The following NUP54 variants were observed in gnomAD, a reference collection of about 807,000 sequenced individuals.
The protein encoded by NUP54 is nucleoporin p54.
Under a neutral mutation model 66.4 loss-of-function variants are expected in NUP54, and 27 were observed. The observed-to-expected ratio is 0.41, with a 90% CI of 0.30 to 0.56. The LOEUF is 0.56. Ranked by LOEUF, NUP54 falls within the 20% of genes least tolerant of loss-of-function variation. NUP54 has a pLI of 0.34. For missense variants in NUP54, 486 were observed against 596.3 expected, an observed-to-expected ratio of 0.82 and a Z score of 1.93; for synonymous variants, 206 against 210.7, an observed-to-expected ratio of 0.98 and a Z score of 0.19.
intron 1 of NUP54, chr4:76,146,048 T>C (rs954390175): frequency 2.3e-5 from 10 of 430,808 alleles, no homozygotes; most frequent in Non-Finnish European, 4.1e-5. Context: ...TATGATATAA[T>C]CTGAATTGGC....
Position 76,117,185 on chromosome 4 carries a change from T to C in NUP54, c.1395+479A>G, listed in dbSNP as rs538816396. ...TGAAATCATAAATATTTCCCTTTTA[T>C]GAGTGGCTTATTTCATGAAGCATAA... On this transcript the variant is annotated intron_variant, in intron 11 of 11. Coordinates refer to ENST00000264883, the MANE Select transcript of NUP54 (RefSeq NM_017426.4). Among the ~76,000 whole-genome samples, 6 of 152,368 alleles carry C rather than the reference T, an allele frequency of 3.9e-5. No individual in the cohort carries two copies. In the South Asian group the frequency reaches 1.0e-3, roughly 26 times the overall value.
intron 9 of NUP54, among the ~76,000 whole-genome samples, chr4:76,120,095 T>C (rs1361165318): frequency 1.3e-5 from 2 of 152,178 alleles, no homozygotes; most frequent in Non-Finnish European, 2.9e-5. Flanking sequence ...ATACATTTTG[T>C]TTTCACACTA....
chr4:76,136,259 G>A lies in NUP54; in HGVS notation c.449C>T (p.Thr150Ile), dbSNP rs1490495079. 6.2e-7 allele frequency: 1 copy of A among 1,614,002 alleles called. No homozygotes were observed. Reference protein sequence around the residue: ...KWNQLQAFWGTGKGYFNNNIP... With the variant: ...KWNQLQAFWGIGKGYFNNNIP... ...ATTATTGTTGAAATACCCTTTTCCT[G>A]TTCCCCAAAAGGCCTGCAGTTGATT... The change falls in exon 4 of 12, where the codon ACA becomes ATA. Residue 150 changes from threonine to isoleucine, a missense_variant. Physicochemically the swap from Thr to Ile is moderately conservative, Grantham distance 89. This residue lies in a region of NUP54 where 41 missense variants were observed against 82.7 expected (regional missense o/e 0.50). Coordinates refer to ENST00000264883, the MANE Select transcript of NUP54 (RefSeq NM_017426.4).
At chr4:76,128,789 G>A (rs574710103) in intron 8 of NUP54, among the ~76,000 whole-genome samples, 21 of 152,204 alleles carry the variant, frequency 1.4e-4, no homozygotes, top group Non-Finnish European at 2.6e-4. Flanking sequence ...CAGCAACATA[G>A]ATGAACTTGG....
chr4:76,124,800 A>C (rs758930496), intron 8 of NUP54, 44 bp from the exon 9 acceptor site: 3 of 759,860 alleles, frequency 3.9e-6, no homozygotes, highest in East Asian at 3.0e-5. Flanking sequence ...ATCAAATATC[A>C]CAACTATTTA....
chr4:76,131,174 G>T, intron 7 of NUP54, 56 bp downstream of exon 7: 1 of 1,035,312 alleles, frequency 9.7e-7, no homozygotes, highest in East Asian at 2.5e-5. Flanking sequence ...TCCCATGTTT[G>T]CTTTCCTAGT....
At position 76,144,489 on chromosome 4, in the gene NUP54, CA is replaced by C; in HGVS notation, c.68-17del. The stretch of plus-strand genomic sequence containing the variant: ...CCAAACCCACCTAATTAAAAAAGAA[CA>C]AAAATAGAAAGGAAGAATCTTTTGT... On this transcript the variant is annotated splice_polypyrimidine_tract_variant and intron_variant, in intron 1 of 11. Coordinates refer to ENST00000264883, the MANE Select transcript of NUP54 (RefSeq NM_017426.4). 6.4e-7 allele frequency: 1 copy of C among 1,561,340 alleles called. No homozygotes were observed. Among genetic ancestry groups the C allele is most frequent in the South Asian group, 1.2e-5 (1 of 81,692 alleles).
Position 76,132,659 on chromosome 4 carries a change from TG to T in NUP54, c.770del (p.Pro257GlnfsTer14). The T allele has an allele frequency of 6.2e-7, 1 of 1,614,072 alleles. No homozygotes were observed. Among genetic ancestry groups the T allele is most frequent in the African/African-American group, 1.3e-5 (1 of 75,036 alleles). On this transcript the variant is annotated frameshift_variant, in exon 6 of 12. Transcript: ENST00000264883. LOFTEE classifies it high-confidence loss of function. ...CAAAATGGGCATATAGCGTTGTAGC[TG>T]GAACTCTTCTTGAAGTACCATTTGG... ...RSPNGTSRRV[P>X]ATTLYAHFEQ...
rs1261776684 is a variant in NUP54, at chr4:76,115,351, C to T, written c.*15G>A. Reference sequence around the variant, plus strand: ...AAGATGCATTTCACAAACCTTTACACAAGTTTGTGAACTGTCAACTAAAGA... The same window carrying T: ...AAGATGCATTTCACAAACCTTTACATAAGTTTGTGAACTGTCAACTAAAGA... On this transcript the variant is annotated 3_prime_UTR_variant, in exon 12 of 12. Coordinates refer to ENST00000264883, the MANE Select transcript of NUP54 (RefSeq NM_017426.4). The T allele has an allele frequency of 1.9e-6, 3 of 1,571,408 alleles. No individual in the cohort carries two copies. Among genetic ancestry groups the T allele is most frequent in the Non-Finnish European group, 2.6e-6 (3 of 1,163,686 alleles).
chr4:76,136,303 ATC>A lies in NUP54; in HGVS notation c.403_404del (p.Asp135CysfsTer23). 1 of 1,614,102 alleles carries A rather than the reference ATC, an allele frequency of 6.2e-7. No homozygotes were observed. Among genetic ancestry groups the A allele is most frequent in the Non-Finnish European group, 8.5e-7 (1 of 1,179,980 alleles). On this transcript the variant is annotated frameshift_variant, in exon 4 of 12. Coordinates refer to ENST00000264883, the MANE Select transcript of NUP54 (RefSeq NM_017426.4). LOFTEE classifies it high-confidence loss of function. ...SAPTLLGDER[D>X]AILAKWNQLQ... The stretch of plus-strand genomic sequence containing the variant: ...GTTGATTCCATTTTGCCAAAATAGC[ATC>A]TCTCTCATCTCCCAACAGCGTTGGA...
intron 1 of NUP54, among the ~76,000 whole-genome samples, chr4:76,147,013 A>T (rs1487967753): frequency 6.6e-6 from 1 of 152,218 alleles, no homozygotes; most frequent in Non-Finnish European, 1.5e-5. Flanking sequence ...TATTATCATT[A>T]TAACACAAGT....
At chr4:76,126,448 A>C (rs1730542640) in intron 8 of NUP54, among the ~76,000 whole-genome samples, 1 of 152,248 alleles carries the variant, frequency 6.6e-6, no homozygotes, top group South Asian at 2.1e-4. Flanking sequence ...ATGCCAGGCC[A>C]TGCTGAAAGG....
intron 9 of NUP54, among the ~76,000 whole-genome samples, chr4:76,119,304 C>G (rs1030871368): frequency 3.9e-5 from 6 of 152,098 alleles, no homozygotes; most frequent in East Asian, 3.8e-4. Flanking sequence ...GCTCATCATA[C>G]AGAGAGAGCA....
chr4:76,129,597 G>C (rs367569948), intron 8 of NUP54, among the ~76,000 whole-genome samples: 3 of 152,300 alleles, frequency 2.0e-5, no homozygotes, highest in African/African-American at 7.2e-5. Context: ...GGGCGCAGTG[G>C]CTCACGCCTG....
In NUP54 at chr4:76,127,171, G is replaced by A. The variant is rs150652978; in HGVS notation, c.1057-2415C>T. 8.9e-3 allele frequency among the ~76,000 whole-genome samples: 1,361 copies of A among 152,178 alleles called. 9 individuals carry two copies. Among genetic ancestry groups the A allele is most frequent in the Non-Finnish European group, 0.012 (847 of 67,998 alleles). On this transcript the variant is annotated intron_variant, in intron 8 of 11. Coordinates refer to ENST00000264883, the MANE Select transcript of NUP54 (RefSeq NM_017426.4). ...TATAGGGCTGGGCGCAGTGGCTCAC[G>A]CCTGTAATCCCAGCACTTTGGGAGG...
At chr4:76,126,383 A>G (rs1173438206) in intron 8 of NUP54, among the ~76,000 whole-genome samples, 1 of 152,228 alleles carries the variant, frequency 6.6e-6, no homozygotes, top group African/African-American at 2.4e-5. Flanking sequence ...AAGATTGTGC[A>G]AGACATATTT....
chr4:76,131,332 T>A (rs879081954), intron 6 of NUP54, 48 bp from the exon 7 acceptor site: 1 of 1,168,914 alleles, frequency 8.6e-7, no homozygotes, highest in African/African-American at 1.6e-5. Flanking sequence ...TCTATTTTTA[T>A]AATATGTGTA....
intron 8 of NUP54, among the ~76,000 whole-genome samples, chr4:76,129,863 CAAAAAAAAAAAAAA>C (rs747413034): frequency 1.1e-4 from 4 of 37,614 alleles, no homozygotes; most frequent in Admixed American, 3.8e-4. Context: ...AGAGACGTCT[CAAAAAAAAAAAAAA>C]AAAAAAAAAA....
In NUP54 at chr4:76,117,788, C is replaced by CT. The variant is rs749664047; in HGVS notation, c.1285-15dup. Reference sequence around the variant, plus strand: ...ATTTAGTCGGCCCTAAAAGTTAAGACTGAGTCAAATTACAACTGCCGACGA... The same window carrying CT: ...ATTTAGTCGGCCCTAAAAGTTAAGACTTGAGTCAAATTACAACTGCCGACGA... On this transcript the variant is annotated splice_polypyrimidine_tract_variant and intron_variant, in intron 10 of 11. Transcript: ENST00000264883. 4 of 1,596,068 alleles carry CT rather than the reference C, an allele frequency of 2.5e-6. No homozygotes were observed. The East Asian group carries it at 8.9e-5, about 36-fold the overall frequency.
Sources: allele counts gnomAD v4.1 joint callset (sites outside exome capture counted in the v4.1 genomes callset), GRCh38; gene constraint gnomAD v4.1.1; regional missense constraint gnomAD v4.1.1; transcripts MANE v1.5; gene names NCBI Gene and HGNC (gene_info 2026-07-23, HGNC 2026-07-21).